The following CLNK variants were observed in gnomAD, a reference collection of about 807,000 sequenced individuals.
CLNK encodes cytokine-dependent hematopoietic cell linker.
CLNK carries 74 observed loss-of-function variants against 68.6 expected under a neutral mutation model. That is an observed-to-expected ratio of 1.08 (90% CI 0.89 to 1.31). The LOEUF is 1.31. Among genes scored for constraint, CLNK ranks in the 50% most tolerant of loss-of-function variants. The pLI is 0.00. For synonymous variants in CLNK, 198 were observed against 172.2 expected (o/e 1.15, Z -1.17); for missense variants, 553 against 515.3 (o/e 1.07, Z -0.71).
chr4:10,572,764 T>TG (rs1272115180), intron 4 of CLNK, among the ~76,000 whole-genome samples: 3 of 152,186 alleles, frequency 2.0e-5, no homozygotes, highest in Non-Finnish European at 4.4e-5. Flanking sequence ...AGGACCACGA[T>TG]GTGATAAGCA....
At chr4:10,652,272 C>A (rs1577197645) in intron 2 of CLNK, among the ~76,000 whole-genome samples, 1 of 145,546 alleles carries the variant, frequency 6.9e-6, no homozygotes. Flanking sequence ...ATCCCAGCTA[C>A]TTGGGATGCT....
Position 10,532,244 on chromosome 4 carries a change from A to G in CLNK, c.630+12T>C. 6.2e-7 allele frequency: 1 copy of G among 1,605,990 alleles called. No homozygotes were observed. The highest frequency in any genetic ancestry group is 8.5e-7 in the Non-Finnish European group (1 of 1,173,636). On this transcript the variant is annotated intron_variant, in intron 12 of 18. Coordinates refer to ENST00000226951, the MANE Select transcript of CLNK (RefSeq NM_052964.4). The stretch of plus-strand genomic sequence containing the variant: ...TCCCTTCTTTGCTTCCAAGGATAAA[A>G]TTGCTACTTACCTCACTTAAGTCCC...
At chr4:10,639,232 G>T (rs1723215482) in intron 2 of CLNK, among the ~76,000 whole-genome samples, 1 of 152,232 alleles carries the variant, frequency 6.6e-6, no homozygotes, top group South Asian at 2.1e-4. Flanking sequence ...GAAACTGACT[G>T]AATGGCTCTG....
chr4:10,528,149 A>T, intron 12 of CLNK, 55 bp from the exon 13 acceptor site: 1 of 849,292 alleles, frequency 1.2e-6, no homozygotes, highest in Non-Finnish European at 1.6e-6. Context: ...AGAGAATTTA[A>T]TATAACACCA....
chr4:10,641,097 G>A (rs1487061850), intron 2 of CLNK, among the ~76,000 whole-genome samples: 1 of 152,138 alleles, frequency 6.6e-6, no homozygotes. Context: ...GAGAATACAG[G>A]GAGTCATGTT....
At chr4:10,696,459 T>C in the CLNK span, among the ~76,000 whole-genome samples, 1 of 152,198 alleles carries the variant, frequency 6.6e-6, no homozygotes, top group South Asian at 2.1e-4. Context: ...CTTTAGGGCT[T>C]GCTTGCGGCT....
At chr4:10,549,845 G>C (rs889215450) in intron 8 of CLNK, among the ~76,000 whole-genome samples, 4 of 152,204 alleles carry the variant, frequency 2.6e-5, no homozygotes, top group African/African-American at 9.6e-5. Context: ...CTCTCCACCT[G>C]GTGGTCATAA....
chr4:10,554,559 T>A (rs1318318154), intron 8 of CLNK, among the ~76,000 whole-genome samples: 1 of 152,214 alleles, frequency 6.6e-6, no homozygotes, highest in Non-Finnish European at 1.5e-5. Context: ...GAAAAAATAC[T>A]GTTCTGTAGT....
chr4:10,666,425 A>G (rs2108892335), intron 2 of CLNK, among the ~76,000 whole-genome samples: 1 of 152,346 alleles, frequency 6.6e-6, no homozygotes, highest in South Asian at 2.1e-4. Context: ...TGGTGCAACC[A>G]CAGGTTAACC....
At chr4:10,671,211 C>A (rs1323539654) in intron 1 of CLNK, among the ~76,000 whole-genome samples, 4 of 152,060 alleles carry the variant, frequency 2.6e-5, no homozygotes, top group Middle Eastern at 3.4e-3. Flanking sequence ...CATGGTGGAA[C>A]CCGTCTCTAC....
the CLNK span, among the ~76,000 whole-genome samples, chr4:10,721,012 A>G: frequency 8.5e-5 from 13 of 152,222 alleles, no homozygotes; most frequent in Non-Finnish European, 1.9e-4. Flanking sequence ...GTTAATACAT[A>G]CACAACTTGG....
At chr4:10,640,115 G>T (rs554035552) in intron 2 of CLNK, among the ~76,000 whole-genome samples, 2 of 151,890 alleles carry the variant, frequency 1.3e-5, no homozygotes, top group Non-Finnish European at 2.9e-5. Context: ...TGCCAAAGAG[G>T]TTATTTAGGG....
chr4:10,558,442 G>T lies in CLNK; in HGVS notation c.410C>A (p.Pro137His), dbSNP rs970540677. The T allele has an allele frequency of 4.3e-6, 7 of 1,613,518 alleles. No individual in the cohort carries two copies. The African/African-American group carries it at 9.3e-5, about 22-fold the overall frequency. ...TTGGCTTCTGACGTCCTTGGAAATG[G>T]GTTTGTCCACCTGTACAAGACAATG... ...TQTRLERVDK[P>H]ISKDVRSQNI... The change falls in exon 8 of 19, where the codon CCC (proline) becomes CAC (histidine). Residue 137 changes from proline (P) to histidine (H), a missense_variant. Coordinates refer to ENST00000226951, the MANE Select transcript of CLNK (RefSeq NM_052964.4).
At chr4:10,651,682 G>A (rs970703544) in intron 2 of CLNK, among the ~76,000 whole-genome samples, 12 of 152,086 alleles carry the variant, frequency 7.9e-5, no homozygotes, top group African/African-American at 2.2e-4. Context: ...TTGACTGTTT[G>A]AAACATTAAT....
intron 2 of CLNK, among the ~76,000 whole-genome samples, chr4:10,610,949 C>G (rs185071856): frequency 6.6e-6 from 1 of 152,056 alleles, no homozygotes; most frequent in East Asian, 1.9e-4. Flanking sequence ...TTTGGGAGGC[C>G]GAGGCAGGCG....
rs965582865 is a variant in CLNK, at chr4:10,542,237, T to C, written c.471+18A>G. On this transcript the variant is annotated intron_variant, in intron 9 of 18. Coordinates refer to ENST00000226951, the MANE Select transcript of CLNK (RefSeq NM_052964.4). ...AGTAAATAATGAATAACAAATGCAT[T>C]TTATTGATTTCTCTTACCTTGTTCT... The C allele has an allele frequency of 6.8e-7, 1 of 1,472,032 alleles. No homozygotes were observed. The highest frequency in any genetic ancestry group is 1.4e-5 in the African/African-American group (1 of 71,946). 91.2% of individuals were successfully genotyped at this position (1,472,032 alleles called of 1,614,324 possible).
chr4:10,631,133 C>T (rs1056217562), intron 2 of CLNK, among the ~76,000 whole-genome samples: 3 of 152,124 alleles, frequency 2.0e-5, no homozygotes, highest in Non-Finnish European at 4.4e-5. Context: ...TCCTGCTCCT[C>T]CTGATGTCTA....
At chr4:10,662,674 T>C (rs554333668) in intron 2 of CLNK, among the ~76,000 whole-genome samples, 2 of 152,194 alleles carry the variant, frequency 1.3e-5, no homozygotes, top group Non-Finnish European at 2.9e-5. Flanking sequence ...ACATTGTTAT[T>C]AAATGAATGA....
chr4:10,503,564 A>G (rs1174965877), intron 17 of CLNK, among the ~76,000 whole-genome samples: 1 of 148,450 alleles, frequency 6.7e-6, no homozygotes, highest in African/African-American at 2.4e-5. Flanking sequence ...TATAATAGCT[A>G]TATATAATTA....
Sources: gnomAD v4.1 joint callset for allele counts (sites outside exome capture counted in the v4.1 genomes callset) on GRCh38, gnomAD v4.1.1 for gene constraint, MANE v1.5 for transcripts, NCBI Gene and HGNC (gene_info 2026-07-23, HGNC 2026-07-21) for gene names.